DIAPH3: variants seen among roughly 807,000 people sequenced by gnomAD.
The protein encoded by DIAPH3 is protein diaphanous homolog 3.
Under a neutral mutation model 144.3 loss-of-function variants are expected in DIAPH3, and 117 were observed. The ratio of observed to expected loss-of-function variants is 0.81; its 90% CI spans 0.70 to 0.95. The LOEUF (loss-of-function observed/expected upper bound fraction) is 0.95. Among genes scored for constraint, DIAPH3 ranks in the 40% least tolerant of loss-of-function variants. The pLI is 0.00. For synonymous variants in DIAPH3, 519 were observed against 488.9 expected (o/e 1.06, Z -0.81); for missense variants, 1,421 against 1,412.7 (o/e 1.01, Z -0.09).
At position 60,112,067 on chromosome 13, in the gene DIAPH3, C is replaced by T; in HGVS notation, c.333G>A (p.Glu111=). ...TCTCTGACAGTGGCTTTGGAAAGTTCTCCATCATCTCTAAAGGTGCTGCTG... is the reference window on the plus strand; with the variant it reads ...TCTCTGACAGTGGCTTTGGAAAGTTTTCCATCATCTCTAAAGGTGCTGCTG... ...DCSAAPLEMM[E]NFPKPLSENE... is the part of the protein sequence containing the mutation. Residue 111 remains glutamate (E), a synonymous_variant, in exon 3 of 28, where the codon GAG becomes GAA. Coordinates refer to ENST00000400324, the MANE Select transcript of DIAPH3 (RefSeq NM_001042517.2). 6.2e-7 allele frequency: 1 copy of T among 1,614,158 alleles called. No homozygotes were observed. Among genetic ancestry groups the T allele is most frequent in the Non-Finnish European group, 8.5e-7 (1 of 1,180,028 alleles).
chr13:59,775,984 A>G (rs537070887), intron 25 of DIAPH3, among the ~76,000 whole-genome samples: 1 of 152,330 alleles, frequency 6.6e-6, no homozygotes, highest in South Asian at 2.1e-4. Context: ...CCCAAACCAA[A>G]TTCAAGAAAA....
chr13:59,996,115 T>C (rs1439304220), intron 9 of DIAPH3, among the ~76,000 whole-genome samples: 1 of 152,034 alleles, frequency 6.6e-6, no homozygotes, highest in Non-Finnish European at 1.5e-5. Flanking sequence ...CAATTACCAC[T>C]GCATTTGGCA....
At chr13:59,998,433 C>T (rs2052335322) in intron 9 of DIAPH3, among the ~76,000 whole-genome samples, 2 of 151,990 alleles carry the variant, frequency 1.3e-5, no homozygotes, top group Admixed American at 1.3e-4. Flanking sequence ...GTTCCAATAC[C>T]CAGCATAGCC....
intron 27 of DIAPH3, among the ~76,000 whole-genome samples, chr13:59,712,760 A>G (rs1428272351): frequency 2.0e-5 from 3 of 152,212 alleles, no homozygotes; most frequent in Non-Finnish European, 2.9e-5. Context: ...CTTCCCTTGT[A>G]GATGGCAGTC....
chr13:59,968,959 C>A (rs1310902412), intron 17 of DIAPH3, among the ~76,000 whole-genome samples: 1 of 152,116 alleles, frequency 6.6e-6, no homozygotes, highest in African/African-American at 2.4e-5. Flanking sequence ...GCCACCTCTT[C>A]CTTTGTTCTA....
At chr13:60,001,105 A>G (rs573114262) in intron 9 of DIAPH3, among the ~76,000 whole-genome samples, 1 of 152,298 alleles carries the variant, frequency 6.6e-6, no homozygotes, top group South Asian at 2.1e-4. Context: ...ATACAAAACA[A>G]TCTTGGAAAA....
intron 27 of DIAPH3, among the ~76,000 whole-genome samples, chr13:59,700,470 A>G (rs981592029): frequency 6.6e-6 from 1 of 152,184 alleles, no homozygotes; most frequent in Non-Finnish European, 1.5e-5. Flanking sequence ...AGAGAGAGAG[A>G]GCTCACCAAA....
At chr13:59,676,484 A>T (rs923255678) in intron 27 of DIAPH3, among the ~76,000 whole-genome samples, 1 of 152,192 alleles carries the variant, frequency 6.6e-6, no homozygotes, top group Non-Finnish European at 1.5e-5. Context: ...TCTCCAAGCC[A>T]AACAGCTATA....
chr13:59,757,642 C>T (rs781387884), intron 27 of DIAPH3, among the ~76,000 whole-genome samples: 48 of 151,822 alleles, frequency 3.2e-4, no homozygotes, highest in Admixed American at 6.6e-4. Flanking sequence ...CCTCGTGATC[C>T]GCCCACCTCG....
intron 24 of DIAPH3, among the ~76,000 whole-genome samples, chr13:59,829,497 T>C (rs946288594): frequency 5.3e-5 from 8 of 151,890 alleles, no homozygotes; most frequent in African/African-American, 1.9e-4. Flanking sequence ...TTTCCTCATC[T>C]GAAAAATGGG....
At chr13:59,799,375 GCACACACACACACACACA>G (rs56979042) in intron 25 of DIAPH3, among the ~76,000 whole-genome samples, 10 of 139,364 alleles carry the variant, frequency 7.2e-5, no homozygotes, top group Non-Finnish European at 9.4e-5. Flanking sequence ...CTGGAAATAT[GCACACACACACACACACA>G]CACACACACA....
intron 17 of DIAPH3, among the ~76,000 whole-genome samples, chr13:59,947,419 A>C (rs982799872): frequency 1.3e-5 from 2 of 152,212 alleles, no homozygotes; most frequent in Non-Finnish European, 2.9e-5. Context: ...AAACCAATGA[A>C]AAACATTGAC....
At chr13:59,886,628 A>T (rs1386843235) in intron 20 of DIAPH3, among the ~76,000 whole-genome samples, 1 of 152,052 alleles carries the variant, frequency 6.6e-6, no homozygotes, top group Non-Finnish European at 1.5e-5. Context: ...AACTTCTTTC[A>T]TTTCTCTCAG....
chr13:60,101,560 A>G (rs1309707422), intron 3 of DIAPH3, among the ~76,000 whole-genome samples: 1 of 150,290 alleles, frequency 6.7e-6, no homozygotes, highest in Admixed American at 6.6e-5. Context: ...CAAAAGTGTT[A>G]GTGTATTTTA....
intron 27 of DIAPH3, among the ~76,000 whole-genome samples, chr13:59,761,740 T>C (rs186531018): frequency 4.6e-5 from 7 of 152,086 alleles, no homozygotes; most frequent in Middle Eastern, 3.4e-3. Context: ...AGCTGAGAGG[T>C]AGAACAGAGA....
chr13:59,840,095 C>A (rs2042256596), intron 22 of DIAPH3, among the ~76,000 whole-genome samples: 1 of 152,038 alleles, frequency 6.6e-6, no homozygotes, highest in African/African-American at 2.4e-5. Context: ...ACTAGCCACC[C>A]AGCAGAACAG....
At chr13:59,764,545 G>C (rs9528036) in intron 27 of DIAPH3, among the ~76,000 whole-genome samples, 38,412 of 148,952 alleles carry the variant, frequency 0.26, 5,313 homozygotes, top group African/African-American at 0.34. Context: ...ACCGTATTTG[G>C]AAATAGGATC....
At chr13:60,059,045 T>C (rs1041542275) in intron 4 of DIAPH3, among the ~76,000 whole-genome samples, 5 of 151,790 alleles carry the variant, frequency 3.3e-5, no homozygotes, top group Non-Finnish European at 5.9e-5. Flanking sequence ...AAATATTAAT[T>C]AGATTAAAAA....
At position 60,010,596 on chromosome 13, in the gene DIAPH3, G is replaced by A. The variant is rs375459032; in HGVS notation, c.845C>T (p.Pro282Leu). 5.6e-6 allele frequency: 9 copies of A among 1,613,212 alleles called. No individual in the cohort carries two copies. Among genetic ancestry groups the A allele is most frequent in the Non-Finnish European group, 6.8e-6 (8 of 1,179,706 alleles). The stretch of plus-strand genomic sequence containing the variant: ...TTTAACCACATCTGTCATCATATTG[G>A]GGTGTCTGGGATCCACGGCTTTGGC... The part of the protein sequence containing the change: ...LLAKAVDPRH[P>L]NMMTDVVKLL... Residue 282 changes from proline (P) to leucine (L), a missense_variant, in exon 8 of 28, where the codon CCC becomes CTC. Pro to Leu is a moderately conservative substitution (Grantham distance 98). Transcript: ENST00000400324.
Sources: allele counts gnomAD v4.1 joint callset (sites outside exome capture counted in the v4.1 genomes callset), GRCh38; gene constraint gnomAD v4.1.1; transcripts MANE v1.5; gene names NCBI Gene and HGNC (gene_info 2026-07-23, HGNC 2026-07-21).